TMOD1: variants seen among roughly 807,000 people sequenced by gnomAD.
The protein encoded by TMOD1 is tropomodulin-1.
In TMOD1, 17 loss-of-function variants were observed where a neutral mutation model predicts 40.6. That is an observed-to-expected ratio of 0.42 (90% CI 0.29 to 0.63). The LOEUF is 0.63. TMOD1 is among the 20% of genes least tolerant of loss of function. TMOD1 has a pLI of 0.22. For missense variants in TMOD1, 391 were observed against 447.6 expected (o/e 0.87, Z 1.14); for synonymous variants, 181 against 175.0 (o/e 1.03, Z -0.27).
At chr9:97,565,368 G>A (rs149943697) in intron 6 of TMOD1, among the ~76,000 whole-genome samples, 225 of 152,166 alleles carry the variant, frequency 1.5e-3, no homozygotes, top group African/African-American at 5.2e-3. Context: ...CTGATGTGCC[G>A]CTGGAGCAGA....
At chr9:97,585,072 G>A (rs1220353196) in intron 8 of TMOD1, among the ~76,000 whole-genome samples, 11 of 151,924 alleles carry the variant, frequency 7.2e-5, no homozygotes, top group South Asian at 2.1e-4. Context: ...TATTTTGCTC[G>A]TTAGTTGATG....
intron 2 of TMOD1, among the ~76,000 whole-genome samples, chr9:97,531,156 T>C (rs2131229877): frequency 6.6e-6 from 1 of 151,610 alleles, no homozygotes; most frequent in African/African-American, 2.4e-5. Context: ...TTTATGGGCA[T>C]CATTTCATAA....
intron 8 of TMOD1, among the ~76,000 whole-genome samples, chr9:97,577,648 C>T (rs373757305): frequency 1.2e-4 from 18 of 151,872 alleles, no homozygotes; most frequent in East Asian, 3.9e-4. Flanking sequence ...ATTAGCTGGG[C>T]GTGGTGGTGC....
chr9:97,598,950 C>A (rs1587970050), intron 9 of TMOD1, among the ~76,000 whole-genome samples: 1 of 152,288 alleles, frequency 6.6e-6, no homozygotes, highest in East Asian at 1.9e-4. Context: ...GCAGACACTA[C>A]AATTAATTTC....
intron 2 of TMOD1, among the ~76,000 whole-genome samples, chr9:97,537,067 C>T (rs946511760): frequency 6.6e-6 from 1 of 152,186 alleles, no homozygotes; most frequent in Non-Finnish European, 1.5e-5. Flanking sequence ...TATGTAAGCT[C>T]AGGCTTCCCA....
In TMOD1 at chr9:97,563,680, T is replaced by C. The variant is rs539103147; in HGVS notation, c.488-358T>C. The stretch of plus-strand genomic sequence containing the variant: ...AATAATTATTCCTCCCTCTGGAAGA[T>C]TGATGCATTTCTTTCCCATCCGGGC... On this transcript the variant is annotated intron_variant, in intron 5 of 9. Coordinates refer to ENST00000259365, the MANE Select transcript of TMOD1 (RefSeq NM_003275.4). Among the ~76,000 whole-genome samples, 17 of 152,296 alleles carry C rather than the reference T, an allele frequency of 1.1e-4. No individual in the cohort carries two copies. In the South Asian group the frequency reaches 1.7e-3, roughly 15 times the overall value.
rs146332191 is a variant in TMOD1 at position 97,555,203 on chromosome 9, T to C, written c.397+1803T>C. 5.3e-3 allele frequency among the ~76,000 whole-genome samples: 811 copies of C among 152,320 alleles called. 10 individuals carry two copies. Among genetic ancestry groups the C allele is most frequent in the African/African-American group, 0.019 (774 of 41,566 alleles). On this transcript the variant is annotated intron_variant, in intron 4 of 9. Transcript: ENST00000259365. ...CACACGAGTCACAGTAGATCCTCCA[T>C]TGAGCCCGTATATTATACATCACAC...
At position 97,600,464 on chromosome 9, in the gene TMOD1, T is replaced by C. The variant is rs558647249; in HGVS notation, c.*766T>C. The C allele has an allele frequency of 7.1e-6, 7 of 985,648 alleles. No homozygotes were observed. The South Asian group carries it at 2.8e-4, about 40-fold the overall frequency. 61.1% of individuals were successfully genotyped at this position (985,648 alleles called of 1,614,324 possible). Reference sequence around the variant, plus strand: ...ACTGGAGTTAGAACTTTTTCCTTATTGAATGCCAACCTTATGATGGATGTG... The same window carrying C: ...ACTGGAGTTAGAACTTTTTCCTTATCGAATGCCAACCTTATGATGGATGTG... On this transcript the variant is annotated 3_prime_UTR_variant, in exon 10 of 10. Transcript: ENST00000259365.
chr9:97,597,315 T>G (rs1429419655), intron 9 of TMOD1, among the ~76,000 whole-genome samples: 1 of 152,200 alleles, frequency 6.6e-6, no homozygotes, highest in Non-Finnish European at 1.5e-5. Context: ...CCTCTCCTGG[T>G]CTCAACTTCC....
Position 97,502,007 on chromosome 9 carries a change from C to A in TMOD1, c.-49+204C>A, listed in dbSNP as rs1453815149. Among the ~76,000 whole-genome samples the A allele has an allele frequency of 1.3e-5, 2 of 152,108 alleles. No homozygotes were observed. The highest frequency in any genetic ancestry group is 6.5e-5 in the Admixed American group (1 of 15,282). On this transcript the variant is annotated intron_variant, in intron 1 of 9. Coordinates refer to ENST00000259365, the MANE Select transcript of TMOD1 (RefSeq NM_003275.4). The surrounding 1 kb of genome is among the most constrained non-coding windows in gnomAD (Gnocchi z 6.1). Reference sequence around the variant, plus strand: ...CCGGGTCTCGGGGTTCCGAGCCCAGCGCTCCCGTCCCCGCCTCCCCGCGCG... The same window carrying A: ...CCGGGTCTCGGGGTTCCGAGCCCAGAGCTCCCGTCCCCGCCTCCCCGCGCG...
chr9:97,555,042 G>C (rs1476205643), intron 4 of TMOD1, among the ~76,000 whole-genome samples: 3 of 152,252 alleles, frequency 2.0e-5, no homozygotes, highest in East Asian at 3.9e-4. Context: ...TGGCTTGAAG[G>C]GTATTGGGAC....
chr9:97,548,316 C>G (rs945489130), intron 3 of TMOD1, among the ~76,000 whole-genome samples: 6 of 152,166 alleles, frequency 3.9e-5, no homozygotes, highest in African/African-American at 1.2e-4. Context: ...CAGAGGACTT[C>G]AAACCATTCC....
chr9:97,579,453 G>T (rs1825693178), intron 8 of TMOD1, among the ~76,000 whole-genome samples: 1 of 152,132 alleles, frequency 6.6e-6, no homozygotes. Flanking sequence ...CTATTTGTTT[G>T]CTGGTTTTTG....
intron 2 of TMOD1, among the ~76,000 whole-genome samples, chr9:97,526,683 C>T (rs1375115986): frequency 1.3e-5 from 2 of 152,112 alleles, no homozygotes; most frequent in African/African-American, 4.8e-5. Context: ...CCCGGGAGCA[C>T]AGTTTGATGA....
intron 8 of TMOD1, among the ~76,000 whole-genome samples, chr9:97,578,463 C>A (rs1181853466): frequency 6.6e-6 from 1 of 152,158 alleles, no homozygotes. Flanking sequence ...CCTGGAAGAT[C>A]ATGATTATCT....
intron 8 of TMOD1, among the ~76,000 whole-genome samples, chr9:97,579,842 C>G (rs1306367792): frequency 6.6e-6 from 1 of 152,050 alleles, no homozygotes; most frequent in African/African-American, 2.4e-5. Flanking sequence ...GAGATCATTT[C>G]CTGGGGTCAG....
chr9:97,542,063 T>G (rs1261892416), intron 2 of TMOD1, among the ~76,000 whole-genome samples: 1 of 152,244 alleles, frequency 6.6e-6, no homozygotes, highest in Admixed American at 6.5e-5. Flanking sequence ...TAATCCAGAA[T>G]CAGAAGGATT....
In TMOD1 at chr9:97,546,361, T is replaced by C. The variant is rs1830360514; in HGVS notation, c.277+20T>C. The C allele has an allele frequency of 6.2e-7, 1 of 1,608,842 alleles. No individual in the cohort carries two copies. The highest frequency in any genetic ancestry group is 8.5e-7 in the Non-Finnish European group (1 of 1,177,898). ...AACGAGGTACTGAACAATGTTACTG[T>C]TATAATATGCCACTCCCCATGCACC... On this transcript the variant is annotated intron_variant, in intron 3 of 9. Coordinates refer to ENST00000259365, the MANE Select transcript of TMOD1 (RefSeq NM_003275.4).
chr9:97,595,011 C>T (rs146343686), intron 9 of TMOD1, among the ~76,000 whole-genome samples: 2 of 152,250 alleles, frequency 1.3e-5, no homozygotes, highest in Non-Finnish European at 2.9e-5. Context: ...CTGGGAGTCA[C>T]CATTTTACAG....
Sources: allele counts gnomAD v4.1 joint callset (sites outside exome capture counted in the v4.1 genomes callset), GRCh38; gene constraint gnomAD v4.1.1; non-coding constraint Gnocchi (gnomAD v3.1); transcripts MANE v1.5; gene names NCBI Gene and HGNC (gene_info 2026-07-23, HGNC 2026-07-21).